The following ARHGAP15 variants were observed in gnomAD, a reference collection of about 807,000 sequenced individuals.
ARHGAP15 encodes Rho GTPase activating protein 15, also known as rho GTPase-activating protein 15.
Under a neutral mutation model 63.7 loss-of-function variants are expected in ARHGAP15, and 51 were observed. That is an observed-to-expected ratio of 0.80 (90% CI 0.64 to 1.01). The LOEUF (loss-of-function observed/expected upper bound fraction) is 1.01, where lower values mean the gene tolerates loss of function less well. Among genes scored for constraint, ARHGAP15 ranks in the 50% least tolerant of loss-of-function variants. ARHGAP15 has a pLI of 0.00. For synonymous variants in ARHGAP15, 191 were observed against 193.8 expected (o/e 0.99, Z 0.12); for missense variants, 560 against 564.6 (o/e 0.99, Z 0.08).
rs373847590 is a variant in ARHGAP15, at chr2:143,605,858, CAAAAAAAAAAAAA to C, written c.1004-18259_1004-18247del. ...GTGAAACCCTGTCTCTACTAAAATACAAAAAAAAAAAAAAAAAAAAAAAAAAAATTAGCCAGGC... is the reference window on the plus strand; with the variant it reads ...GTGAAACCCTGTCTCTACTAAAATACAAAAAAAAAAAAAAATTAGCCAGGC... On this transcript the variant is annotated intron_variant, in intron 11 of 13. Transcript: ENST00000295095. Among the ~76,000 whole-genome samples the C allele has an allele frequency of 1.7e-3, 143 of 85,310 alleles. 1 individual carries two copies. The highest frequency in any genetic ancestry group is 4.8e-3 in the African/African-American group (123 of 25,578). 56.0% of individuals were successfully genotyped at this position (85,310 alleles called of 152,430 possible).
At chr2:143,467,067 A>G (rs1691252094) in intron 8 of ARHGAP15, among the ~76,000 whole-genome samples, 1 of 152,072 alleles carries the variant, frequency 6.6e-6, no homozygotes, top group African/African-American at 2.4e-5. Flanking sequence ...TATCTTAGTG[A>G]TACATGGCTC....
intron 6 of ARHGAP15, among the ~76,000 whole-genome samples, chr2:143,399,353 T>C (rs999659126): frequency 5.1e-5 from 3 of 58,896 alleles, no homozygotes; most frequent in African/African-American, 1.6e-4. Flanking sequence ...CAAAGAGCAC[T>C]GAGGCAAAAA....
chr2:143,766,354 G>C (rs1398201156), intron 13 of ARHGAP15, among the ~76,000 whole-genome samples: 2 of 152,150 alleles, frequency 1.3e-5, no homozygotes, highest in Non-Finnish European at 2.9e-5. Flanking sequence ...GTCTCCTCTG[G>C]TGCCATTATT....
intron 11 of ARHGAP15, among the ~76,000 whole-genome samples, chr2:143,590,637 G>T (rs1401900384): frequency 6.6e-6 from 1 of 152,084 alleles, no homozygotes; most frequent in Non-Finnish European, 1.5e-5. Flanking sequence ...TCTAAGTGCT[G>T]ATTAGAAATC....
At chr2:143,159,831 G>A (rs1350403060) in intron 2 of ARHGAP15, among the ~76,000 whole-genome samples, 1 of 151,886 alleles carries the variant, frequency 6.6e-6, no homozygotes, top group Non-Finnish European at 1.5e-5. Context: ...ATTGTTTTTA[G>A]TTTGATGATT....
At chr2:143,590,713 T>C (rs990707277) in intron 11 of ARHGAP15, among the ~76,000 whole-genome samples, 1 of 152,206 alleles carries the variant, frequency 6.6e-6, no homozygotes, top group Non-Finnish European at 1.5e-5. Context: ...GACTACAAGA[T>C]ACTTGAAGGC....
intron 13 of ARHGAP15, among the ~76,000 whole-genome samples, chr2:143,766,321 C>A (rs1227965521): frequency 6.6e-6 from 1 of 152,124 alleles, no homozygotes; most frequent in Non-Finnish European, 1.5e-5. Flanking sequence ...GTAACTCCTC[C>A]CTTTGTCCAG....
At chr2:143,765,245 C>CTT (rs1039417229) in intron 13 of ARHGAP15, among the ~76,000 whole-genome samples, 1 of 151,714 alleles carries the variant, frequency 6.6e-6, no homozygotes, top group African/African-American at 2.4e-5. Context: ...TTACTAATGG[C>CTT]TTTTATAATA....
chr2:143,235,368 G>A (rs1325660916), intron 5 of ARHGAP15, among the ~76,000 whole-genome samples: 1 of 151,792 alleles, frequency 6.6e-6, no homozygotes, highest in Non-Finnish European at 1.5e-5. Flanking sequence ...GAGTGCAGGG[G>A]CATAAAAAAC....
intron 13 of ARHGAP15, among the ~76,000 whole-genome samples, chr2:143,751,624 G>A (rs929437973): frequency 3.3e-5 from 5 of 152,064 alleles, no homozygotes; most frequent in East Asian, 1.9e-4. Context: ...CTCTCTATTC[G>A]AGACTCCCCT....
At chr2:143,570,076 C>A (rs1187035258) in intron 11 of ARHGAP15, among the ~76,000 whole-genome samples, 1 of 152,108 alleles carries the variant, frequency 6.6e-6, no homozygotes, top group Admixed American at 6.5e-5. Flanking sequence ...GAGTCAATCC[C>A]ATGAGATAAT....
chr2:143,185,729 A>G (rs1691421538), intron 2 of ARHGAP15, among the ~76,000 whole-genome samples: 1 of 152,186 alleles, frequency 6.6e-6, no homozygotes, highest in Non-Finnish European at 1.5e-5. Context: ...GCACCATTAG[A>G]AAGACTTCAT....
rs1032155119 is a variant in ARHGAP15 at position 143,668,757 on chromosome 2, T to G, written c.1139-34662T>G. Reference sequence around the variant, plus strand: ...TATTGCAATCCTTTGATGAGTAATTTCAGCTTTCCATCTGAAGCTAAATAC... The same window carrying G: ...TATTGCAATCCTTTGATGAGTAATTGCAGCTTTCCATCTGAAGCTAAATAC... On this transcript the variant is annotated intron_variant, in intron 12 of 13. Coordinates refer to ENST00000295095, the MANE Select transcript of ARHGAP15 (RefSeq NM_018460.4). Among the ~76,000 whole-genome samples the G allele has an allele frequency of 1.8e-4, 27 of 152,344 alleles. No homozygotes were observed. In the East Asian group the frequency reaches 1.9e-3, roughly 11 times the overall value.
chr2:143,635,377 T>C (rs578117519), intron 12 of ARHGAP15, among the ~76,000 whole-genome samples: 1 of 152,026 alleles, frequency 6.6e-6, no homozygotes, highest in Admixed American at 6.6e-5. Context: ...AAGCCTGTTA[T>C]GGAATAAGAA....
intron 11 of ARHGAP15, among the ~76,000 whole-genome samples, chr2:143,599,921 T>C (rs1265487989): frequency 1.3e-5 from 2 of 152,312 alleles, no homozygotes; most frequent in East Asian, 3.9e-4. Flanking sequence ...GCTGTTTCTG[T>C]CACATATTGT....
At chr2:143,662,234 GCCT>G (rs1469943831) in intron 12 of ARHGAP15, among the ~76,000 whole-genome samples, 1 of 151,936 alleles carries the variant, frequency 6.6e-6, no homozygotes, top group Non-Finnish European at 1.5e-5. Flanking sequence ...CGGGCAGACT[GCCT>G]CCTCAAGTGG....
chr2:143,350,043 ATAT>A (rs1574316283), intron 6 of ARHGAP15, among the ~76,000 whole-genome samples: 1 of 152,158 alleles, frequency 6.6e-6, no homozygotes, highest in South Asian at 2.1e-4. Flanking sequence ...CCTTGCAATA[ATAT>A]TATCGTAGTT....
chr2:143,202,487 G>C (rs1310918349), intron 3 of ARHGAP15, among the ~76,000 whole-genome samples: 3 of 152,058 alleles, frequency 2.0e-5, no homozygotes, highest in Non-Finnish European at 2.9e-5. Flanking sequence ...TTGGCCAAAG[G>C]CTGCCCTTAT....
chr2:143,572,820 C>A (rs997001948), intron 11 of ARHGAP15, among the ~76,000 whole-genome samples: 1 of 152,028 alleles, frequency 6.6e-6, no homozygotes, highest in Non-Finnish European at 1.5e-5. Flanking sequence ...ATGTAGGAAT[C>A]CCTCCTAAAT....
Sources: allele counts gnomAD v4.1 joint callset (sites outside exome capture counted in the v4.1 genomes callset), GRCh38; gene constraint gnomAD v4.1.1; transcripts MANE v1.5; gene names NCBI Gene and HGNC (gene_info 2026-07-23, HGNC 2026-07-21).